The following NRG3 variants were observed in gnomAD, a reference collection of about 807,000 sequenced individuals.
NRG3 encodes neuregulin 3, also known as pro-neuregulin-3, membrane-bound isoform.
NRG3 carries 31 observed loss-of-function variants against 66.9 expected under a neutral mutation model. That is an observed-to-expected ratio of 0.46 (90% CI 0.35 to 0.63). The LOEUF is 0.63. Among genes scored for constraint, NRG3 ranks in the 20% least tolerant of loss-of-function variants. The probability of loss-of-function intolerance (pLI) is 0.00; values close to 1 mark genes in which losing one functional copy is unlikely to be tolerated. For synonymous variants in NRG3, 393 were observed against 359.4 expected, an observed-to-expected ratio of 1.09 and a Z score of -1.06; for missense variants, 910 against 878.9, an observed-to-expected ratio of 1.04 and a Z score of -0.45.
intron 4 of NRG3, among the ~76,000 whole-genome samples, chr10:82,896,642 TAA>T (rs1843689572): frequency 6.6e-6 from 1 of 152,176 alleles, no homozygotes; most frequent in South Asian, 2.1e-4. Flanking sequence ...TTTGAAAAAT[TAA>T]AGTCAGTACC....
At chr10:82,654,454 G>A (rs758094588) in intron 2 of NRG3, among the ~76,000 whole-genome samples, 13 of 152,108 alleles carry the variant, frequency 8.5e-5, no homozygotes, top group Non-Finnish European at 1.8e-4. Flanking sequence ...AGCATGCAAT[G>A]TGTAATCTTT....
Position 82,238,059 on chromosome 10 carries a change from A to G in NRG3, c.824-120680A>G, listed in dbSNP as rs182946714. On this transcript the variant is annotated intron_variant, in intron 1 of 8. Transcript: ENST00000372141. The stretch of plus-strand genomic sequence containing the variant: ...AATTTGAAGGTACTGATTTTACTAT[A>G]TTGGTAGTAATCTTAAAGTTAATAC... Among the ~76,000 whole-genome samples, 245 of 152,258 alleles carry G rather than the reference A, an allele frequency of 1.6e-3. 3 individuals are homozygous for G. Among genetic ancestry groups the G allele is most frequent in the Middle Eastern group, 3.4e-3 (1 of 294 alleles).
At chr10:82,790,065 T>C (rs1427525460) in intron 3 of NRG3, among the ~76,000 whole-genome samples, 1 of 152,126 alleles carries the variant, frequency 6.6e-6, no homozygotes, top group Non-Finnish European at 1.5e-5. Context: ...CATCATAATA[T>C]AATCAATGAA....
chr10:82,905,047 A>G (rs1457958762), intron 4 of NRG3, among the ~76,000 whole-genome samples: 1 of 152,176 alleles, frequency 6.6e-6, no homozygotes, highest in African/African-American at 2.4e-5. Context: ...ATTGTGCTCC[A>G]AGGCTGAGTT....
chr10:82,789,802 T>G (rs559813404), intron 3 of NRG3, among the ~76,000 whole-genome samples: 1 of 152,218 alleles, frequency 6.6e-6, no homozygotes, highest in East Asian at 1.9e-4. Flanking sequence ...ATGAATATAT[T>G]AAAATACCAT....
At chr10:82,876,242 G>A (rs1841808553) in intron 4 of NRG3, among the ~76,000 whole-genome samples, 1 of 151,752 alleles carries the variant, frequency 6.6e-6, no homozygotes, top group African/African-American at 2.4e-5. Flanking sequence ...AACTAGATTG[G>A]AAGTTTCTAC....
chr10:82,581,827 C>G (rs2046373252), intron 2 of NRG3, among the ~76,000 whole-genome samples: 1 of 151,810 alleles, frequency 6.6e-6, no homozygotes, highest in African/African-American at 2.4e-5. Context: ...TCCTTGTTAT[C>G]TTATAGAAGT....
At chr10:82,913,299 A>T (rs960525168) in intron 4 of NRG3, among the ~76,000 whole-genome samples, 30 of 152,206 alleles carry the variant, frequency 2.0e-4, no homozygotes, top group Non-Finnish European at 2.2e-4. Context: ...CATTTCACTT[A>T]TTCATAAACT....
At chr10:82,566,064 T>C (rs2045384297) in intron 2 of NRG3, among the ~76,000 whole-genome samples, 1 of 152,040 alleles carries the variant, frequency 6.6e-6, no homozygotes, top group Admixed American at 6.6e-5. Flanking sequence ...ATTAGCTTAC[T>C]GTGATGAAAA....
intron 1 of NRG3, among the ~76,000 whole-genome samples, chr10:81,932,435 A>G (rs1847462732): frequency 1.3e-5 from 2 of 152,178 alleles, no homozygotes; most frequent in African/African-American, 2.4e-5. Context: ...AAATATCCCA[A>G]CTATATCAGC....
At chr10:82,198,842 CA>C (rs754012376) in intron 1 of NRG3, among the ~76,000 whole-genome samples, 4 of 151,892 alleles carry the variant, frequency 2.6e-5, no homozygotes, top group Non-Finnish European at 1.5e-5. Context: ...ACTAAAAATA[CA>C]AAAATTAGCC....
intron 2 of NRG3, among the ~76,000 whole-genome samples, chr10:82,658,271 T>C (rs1433027465): frequency 2.0e-5 from 3 of 152,140 alleles, no homozygotes; most frequent in African/African-American, 4.8e-5. Flanking sequence ...TCATTGTAAT[T>C]CAGTATATGT....
At chr10:82,604,935 C>T (rs1199823642) in intron 2 of NRG3, among the ~76,000 whole-genome samples, 2 of 152,002 alleles carry the variant, frequency 1.3e-5, no homozygotes, top group Middle Eastern at 3.2e-3. Context: ...TGTCCTGTAA[C>T]TTTGCCATAG....
chr10:81,937,877 T>C (rs1290531102), intron 1 of NRG3, among the ~76,000 whole-genome samples: 1 of 152,126 alleles, frequency 6.6e-6, no homozygotes, highest in East Asian at 1.9e-4. Flanking sequence ...GTTTCTGGGC[T>C]TATGTTAAAG....
intron 1 of NRG3, among the ~76,000 whole-genome samples, chr10:82,244,115 C>G (rs1304115228): frequency 6.6e-6 from 1 of 152,118 alleles, no homozygotes; most frequent in Non-Finnish European, 1.5e-5. Context: ...AGGCATTTTA[C>G]CTAAAAGTCT....
At chr10:82,771,649 T>C (rs2135177628) in intron 3 of NRG3, among the ~76,000 whole-genome samples, 1 of 152,314 alleles carries the variant, frequency 6.6e-6, no homozygotes, top group African/African-American at 2.4e-5. Context: ...CATTCAACAC[T>C]TACCAAAATT....
At chr10:82,283,550 G>A (rs766993057) in intron 1 of NRG3, among the ~76,000 whole-genome samples, 4 of 152,108 alleles carry the variant, frequency 2.6e-5, no homozygotes, top group East Asian at 1.9e-4. Flanking sequence ...TCTCTAGCTC[G>A]GTTCCTATAG....
At chr10:82,961,149 A>C (rs984957632) in intron 6 of NRG3, among the ~76,000 whole-genome samples, 4 of 152,240 alleles carry the variant, frequency 2.6e-5, no homozygotes, top group Non-Finnish European at 5.9e-5. Context: ...TTAAGAAAAC[A>C]CTTCCATTTG....
At chr10:82,370,245 T>C (rs1027345577) in intron 2 of NRG3, among the ~76,000 whole-genome samples, 5 of 137,696 alleles carry the variant, frequency 3.6e-5, no homozygotes, top group Non-Finnish European at 7.4e-5. Flanking sequence ...TGTTGAGTGG[T>C]GGAGGTGGCT....
Sources: allele counts gnomAD v4.1 joint callset (sites outside exome capture counted in the v4.1 genomes callset), GRCh38; gene constraint gnomAD v4.1.1; transcripts MANE v1.5; gene names NCBI Gene and HGNC (gene_info 2026-07-23, HGNC 2026-07-21).